The following ST6GALNAC3 variants were observed in gnomAD, a reference collection of about 807,000 sequenced individuals.
The protein encoded by ST6GALNAC3 is alpha-N-acetylgalactosaminide alpha-2,6-sialyltransferase 3.
Under a neutral mutation model 32.7 loss-of-function variants are expected in ST6GALNAC3, and 25 were observed. The observed-to-expected ratio is 0.76, with a 90% CI of 0.56 to 1.07. ST6GALNAC3 has a LOEUF of 1.07. ST6GALNAC3 is among the 50% of genes least tolerant of loss of function. ST6GALNAC3 has a pLI of 0.00. For missense variants in ST6GALNAC3, 355 were observed against 382.4 expected (o/e 0.93, Z 0.60); for synonymous variants, 129 against 133.1 (o/e 0.97, Z 0.21).
chr1:76,164,914 G>A (rs1176962119), intron 1 of ST6GALNAC3, among the ~76,000 whole-genome samples: 1 of 152,164 alleles, frequency 6.6e-6, no homozygotes, highest in Admixed American at 6.5e-5. Context: ...CTGCATTGCT[G>A]GAGAGAGGGG....
chr1:76,458,923 A>G (rs1486574865), intron 3 of ST6GALNAC3, among the ~76,000 whole-genome samples: 1 of 152,042 alleles, frequency 6.6e-6, no homozygotes, highest in African/African-American at 2.4e-5. Flanking sequence ...AGGAAAAATA[A>G]TCTTGTAAAA....
intron 1 of ST6GALNAC3, among the ~76,000 whole-genome samples, chr1:76,275,406 C>A (rs968557808): frequency 1.3e-5 from 2 of 152,136 alleles, no homozygotes; most frequent in African/African-American, 4.8e-5. Context: ...TTGATGTCCC[C>A]ATCCCTCCCA....
intron 2 of ST6GALNAC3, among the ~76,000 whole-genome samples, chr1:76,345,311 T>C (rs1408522724): frequency 6.6e-6 from 1 of 151,764 alleles, no homozygotes; most frequent in African/African-American, 2.4e-5. Context: ...AACAATGGAA[T>C]AGTAAGGAAG....
intron 1 of ST6GALNAC3, among the ~76,000 whole-genome samples, chr1:76,146,260 G>A (rs1254757030): frequency 6.6e-6 from 1 of 152,176 alleles, no homozygotes; most frequent in African/African-American, 2.4e-5. Context: ...AGGATTGATT[G>A]CAGGGGTGAT....
At chr1:76,455,796 A>G (rs1257235512) in intron 3 of ST6GALNAC3, among the ~76,000 whole-genome samples, 2 of 152,148 alleles carry the variant, frequency 1.3e-5, no homozygotes, top group Non-Finnish European at 2.9e-5. Context: ...AGTCTGACTT[A>G]CTACCTCTAT....
chr1:76,380,777 T>G (rs1000336704), intron 2 of ST6GALNAC3, among the ~76,000 whole-genome samples: 1 of 152,164 alleles, frequency 6.6e-6, no homozygotes, highest in Non-Finnish European at 1.5e-5. Flanking sequence ...TAACTTGAGT[T>G]CTAGTGAGCT....
chr1:76,452,481 T>C (rs1657481568), intron 3 of ST6GALNAC3, among the ~76,000 whole-genome samples: 1 of 152,202 alleles, frequency 6.6e-6, no homozygotes, highest in Non-Finnish European at 1.5e-5. Flanking sequence ...AGGGTTTTAA[T>C]TATAAAAGGA....
chr1:76,087,052 G>C (rs1308881354), intron 1 of ST6GALNAC3, among the ~76,000 whole-genome samples: 1 of 152,038 alleles, frequency 6.6e-6, no homozygotes, highest in Non-Finnish European at 1.5e-5. Flanking sequence ...TCCTACCCTG[G>C]TTTATGTTGC....
At chr1:76,162,207 A>G (rs906519973) in intron 1 of ST6GALNAC3, among the ~76,000 whole-genome samples, 3 of 152,190 alleles carry the variant, frequency 2.0e-5, no homozygotes, top group Non-Finnish European at 2.9e-5. Context: ...ATTTAAACCC[A>G]TGGGTTATTG....
At chr1:76,416,187 T>C (rs901452284) in intron 3 of ST6GALNAC3, among the ~76,000 whole-genome samples, 3 of 152,138 alleles carry the variant, frequency 2.0e-5, no homozygotes. Flanking sequence ...TGTGGATCTG[T>C]GCTCACAAAG....
At chr1:76,476,469 G>C (rs983575072) in intron 3 of ST6GALNAC3, among the ~76,000 whole-genome samples, 1 of 152,162 alleles carries the variant, frequency 6.6e-6, no homozygotes, top group African/African-American at 2.4e-5. Flanking sequence ...TTTTTTAAAA[G>C]AGAGAGAAAA....
intron 3 of ST6GALNAC3, among the ~76,000 whole-genome samples, chr1:76,528,805 C>T (rs1021788534): frequency 6.6e-6 from 1 of 151,082 alleles, no homozygotes; most frequent in African/African-American, 2.4e-5. Context: ...GCAAAATCAG[C>T]TCACCATAGT....
intron 1 of ST6GALNAC3, among the ~76,000 whole-genome samples, chr1:76,274,628 C>T (rs1052463122): frequency 6.6e-6 from 1 of 152,178 alleles, no homozygotes. Context: ...AGAGTCTAAA[C>T]TTATTAAATT....
chr1:76,219,221 C>G (rs1194678968), intron 1 of ST6GALNAC3, among the ~76,000 whole-genome samples: 1 of 152,176 alleles, frequency 6.6e-6, no homozygotes, highest in Non-Finnish European at 1.5e-5. Context: ...AACATATGCT[C>G]ACACAGGATA....
chr1:76,531,903 G>A (rs972684977), intron 3 of ST6GALNAC3, among the ~76,000 whole-genome samples: 1 of 152,124 alleles, frequency 6.6e-6, no homozygotes, highest in Non-Finnish European at 1.5e-5. Context: ...GAGACATCCT[G>A]GGGCATGTGG....
In ST6GALNAC3 at chr1:76,505,014, A is replaced by C. The variant is rs146864138; in HGVS notation, c.623+92597A>C. Among the ~76,000 whole-genome samples the C allele has an allele frequency of 3.9e-4, 59 of 152,344 alleles. 1 individual carries two copies. In the East Asian group the frequency reaches 0.011, roughly 29 times the overall value. On this transcript the variant is annotated intron_variant, in intron 3 of 4. Transcript: ENST00000328299. ...GAGGAAATAGATATCTTTCCGTCATAGTCCTGCTAAACAGAAAACAATTCT... is the reference window on the plus strand; with the variant it reads ...GAGGAAATAGATATCTTTCCGTCATCGTCCTGCTAAACAGAAAACAATTCT...
chr1:76,625,979 C>T (rs1386362080), intron 3 of ST6GALNAC3, among the ~76,000 whole-genome samples: 4 of 151,854 alleles, frequency 2.6e-5, no homozygotes, highest in African/African-American at 9.7e-5. Context: ...CACCCAAAGT[C>T]AATGCAAGTA....
At chr1:76,211,017 C>T (rs1655123682) in intron 1 of ST6GALNAC3, among the ~76,000 whole-genome samples, 1 of 152,180 alleles carries the variant, frequency 6.6e-6, no homozygotes, top group Non-Finnish European at 1.5e-5. Flanking sequence ...AGCCATTGCA[C>T]CCGGCCTCTC....
At chr1:76,165,778 GT>G (rs1001502770) in intron 1 of ST6GALNAC3, among the ~76,000 whole-genome samples, 1 of 152,016 alleles carries the variant, frequency 6.6e-6, no homozygotes, top group African/African-American at 2.4e-5. Flanking sequence ...GTGATGCTGA[GT>G]TTTTTTTCAT....
Sources: allele counts gnomAD v4.1 joint callset (sites outside exome capture counted in the v4.1 genomes callset), GRCh38; gene constraint gnomAD v4.1.1; transcripts MANE v1.5; gene names NCBI Gene and HGNC (gene_info 2026-07-23, HGNC 2026-07-21).